The following PDE1C variants were observed in gnomAD, a reference collection of about 807,000 sequenced individuals.
PDE1C encodes the protein dual specificity calcium/calmodulin-dependent 3',5'-cyclic nucleotide phosphodiesterase 1C.
In PDE1C, 62 loss-of-function variants were observed where a neutral mutation model predicts 93.1. The ratio of observed to expected loss-of-function variants is 0.67; its 90% CI spans 0.54 to 0.82. The LOEUF is 0.82. PDE1C is among the 40% of genes least tolerant of loss of function. The pLI, the probability that PDE1C is intolerant of heterozygous loss-of-function variation, is 0.00. For synonymous variants in PDE1C, 325 were observed against 310.1 expected, an observed-to-expected ratio of 1.05 and a Z score of -0.50; for missense variants, 742 against 884.6, an observed-to-expected ratio of 0.84 and a Z score of 2.04.
intron 3 of PDE1C, among the ~76,000 whole-genome samples, chr7:32,084,075 T>C (rs1475138119): frequency 6.6e-6 from 1 of 151,934 alleles, no homozygotes; most frequent in African/African-American, 2.4e-5. Context: ...TAAAGAGTCA[T>C]GACCCATCAG....
At position 31,859,130 on chromosome 7, in the gene PDE1C, T is replaced by G. The variant is rs528482894; in HGVS notation, c.750+5812A>C. Among the ~76,000 whole-genome samples, 391 of 149,276 alleles carry G rather than the reference T, an allele frequency of 2.6e-3. 1 individual carries two copies. Among genetic ancestry groups the G allele is most frequent in the Admixed American group, 4.4e-3 (65 of 14,866 alleles). ...ATATGATGTATTGACTATATATATA[T>G]ACTATATATATAGACTATATGTATA... On this transcript the variant is annotated intron_variant, in intron 7 of 17. Transcript: ENST00000396191.
intron 1 of PDE1C, among the ~76,000 whole-genome samples, chr7:32,306,731 C>G (rs1303545038): frequency 6.6e-6 from 1 of 152,204 alleles, no homozygotes; most frequent in Non-Finnish European, 1.5e-5. Context: ...TCATCAGGCC[C>G]TACAGAATCT....
At chr7:32,019,379 T>C (rs987368837) in intron 2 of PDE1C, among the ~76,000 whole-genome samples, 11 of 152,046 alleles carry the variant, frequency 7.2e-5, no homozygotes, top group African/African-American at 2.2e-4. Flanking sequence ...TTAAAACACA[T>C]ACAATATGGT....
intron 2 of PDE1C, among the ~76,000 whole-genome samples, chr7:32,009,358 A>G (rs967473428): frequency 6.6e-6 from 1 of 152,142 alleles, no homozygotes; most frequent in African/African-American, 2.4e-5. Flanking sequence ...CATACCAGAG[A>G]AAAAAAGAGC....
chr7:32,191,552 T>C (rs949118126), intron 2 of PDE1C, among the ~76,000 whole-genome samples: 2 of 152,196 alleles, frequency 1.3e-5, no homozygotes, highest in South Asian at 2.1e-4. Flanking sequence ...GGTTGTTGCA[T>C]GGATCAGTAG....
chr7:31,839,816 C>T (rs1461849247), intron 9 of PDE1C, among the ~76,000 whole-genome samples: 2 of 152,200 alleles, frequency 1.3e-5, no homozygotes, highest in Non-Finnish European at 2.9e-5. Flanking sequence ...GCAGGTGGAT[C>T]ACCTGAGGTC....
intron 16 of PDE1C, chr7:31,788,073 A>G (rs1490777168): frequency 3.3e-5 from 5 of 152,176 alleles, no homozygotes; most frequent in African/African-American, 1.2e-4. Flanking sequence ...TAATGACTTA[A>G]AGCAAATGAA....
At position 31,752,582 on chromosome 7, in the gene PDE1C, C is replaced by G. The variant is rs769926909; in HGVS notation, c.*802G>C. 6.6e-6 allele frequency: 1 copy of G among 152,236 alleles called. No homozygotes were observed. Among genetic ancestry groups the G allele is most frequent in the African/African-American group, 2.4e-5 (1 of 41,558 alleles). 9.4% of individuals were successfully genotyped at this position (152,236 alleles called of 1,614,324 possible). On this transcript the variant is annotated 3_prime_UTR_variant, in exon 18 of 18. Coordinates refer to ENST00000396191, the MANE Select transcript of PDE1C (RefSeq NM_001191057.4). ...CAAACTGACATCTTTTGCAATGACT[C>G]TTAAACCTGCAGTCTTTAAGGCAAG... is the stretch of plus-strand genomic sequence containing the variant.
intron 1 of PDE1C, among the ~76,000 whole-genome samples, chr7:32,331,269 C>T (rs1006852379): frequency 2.0e-5 from 3 of 152,162 alleles, no homozygotes; most frequent in Non-Finnish European, 4.4e-5. Context: ...GACAGTGATT[C>T]AGAATTGACA....
intron 2 of PDE1C, among the ~76,000 whole-genome samples, chr7:32,199,893 T>C (rs1804889392): frequency 1.3e-5 from 2 of 152,200 alleles, no homozygotes; most frequent in African/African-American, 2.4e-5. Context: ...AGTTCAATGA[T>C]GATTTAATGT....
At chr7:31,995,187 C>T (rs4723120) in intron 2 of PDE1C, among the ~76,000 whole-genome samples, 25,310 of 152,096 alleles carry the variant, frequency 0.17, 2,539 homozygotes, top group Admixed American at 0.32. Flanking sequence ...CTGAGTACTT[C>T]CTGTATTCCC....
chr7:31,984,072 GGCGGTATGATA>G (rs149982109), intron 2 of PDE1C, among the ~76,000 whole-genome samples: 3,701 of 152,216 alleles, frequency 0.024, 48 homozygotes, highest in African/African-American at 0.036. Context: ...AGTACCTGAA[GGCGGTATGATA>G]GAGGTGGAGA....
chr7:32,008,714 C>T (rs924690222), intron 2 of PDE1C, among the ~76,000 whole-genome samples: 2 of 152,082 alleles, frequency 1.3e-5, no homozygotes, highest in Non-Finnish European at 2.9e-5. Context: ...TGAATTCATA[C>T]GCACATCTGC....
the PDE1C span, chr7:31,642,193 G>C: frequency 1.9e-6 from 3 of 1,560,760 alleles, no homozygotes; most frequent in Non-Finnish European, 2.6e-6. Context: ...GGTGGACAGA[G>C]CAAATAGCTG....
intron 2 of PDE1C, among the ~76,000 whole-genome samples, chr7:31,990,263 C>T (rs1171842580): frequency 6.6e-6 from 1 of 152,122 alleles, no homozygotes; most frequent in Non-Finnish European, 1.5e-5. Flanking sequence ...CCATGCTGTT[C>T]TTGTGGTAGT....
At chr7:32,184,744 C>T (rs1000996606) in intron 2 of PDE1C, among the ~76,000 whole-genome samples, 1 of 152,094 alleles carries the variant, frequency 6.6e-6, no homozygotes, top group African/African-American at 2.4e-5. Flanking sequence ...CACATGTATA[C>T]ATATGTAAAC....
chr7:31,931,980 T>G (rs1804368998), intron 2 of PDE1C, among the ~76,000 whole-genome samples: 1 of 152,160 alleles, frequency 6.6e-6, no homozygotes, highest in Non-Finnish European at 1.5e-5. Flanking sequence ...GATTCCCTAT[T>G]TAATAAATGG....
chr7:31,937,629 G>A (rs1186007002), intron 2 of PDE1C, among the ~76,000 whole-genome samples: 2 of 152,126 alleles, frequency 1.3e-5, no homozygotes, highest in African/African-American at 4.8e-5. Flanking sequence ...TTCCACGAAT[G>A]AAGGAATGAG....
At chr7:31,727,210 TTC>T in the PDE1C span, among the ~76,000 whole-genome samples, 1 of 152,178 alleles carries the variant, frequency 6.6e-6, no homozygotes, top group Non-Finnish European at 1.5e-5. Flanking sequence ...CGCCCCACAG[TTC>T]TCTGTGGTGC....
Sources: gnomAD v4.1 joint callset for allele counts (sites outside exome capture counted in the v4.1 genomes callset) on GRCh38, gnomAD v4.1.1 for gene constraint, MANE v1.5 for transcripts, NCBI Gene and HGNC (gene_info 2026-07-23, HGNC 2026-07-21) for gene names.